The following FSTL5 variants were observed in gnomAD, a reference collection of about 807,000 sequenced individuals.
FSTL5 encodes the protein follistatin-related protein 5.
A neutral mutation model predicts 89.1 loss-of-function variants in FSTL5; 62 were observed. That is an observed-to-expected ratio of 0.70 (90% CI 0.57 to 0.86). The LOEUF (loss-of-function observed/expected upper bound fraction) is 0.86. Among genes scored for constraint, FSTL5 ranks in the 40% least tolerant of loss-of-function variants. The pLI is 0.00. For missense variants in FSTL5, 1,057 were observed against 1,001.6 expected (o/e 1.06, Z -0.75); for synonymous variants, 383 against 346.2 (o/e 1.11, Z -1.18).
chr4:161,828,071 C>T (rs528232932), intron 4 of FSTL5, among the ~76,000 whole-genome samples: 75 of 152,274 alleles, frequency 4.9e-4, no homozygotes, highest in African/African-American at 1.8e-3. Context: ...TCCCCAAGGA[C>T]CTCTGTGAGA....
chr4:161,910,959 T>C (rs1341582668), intron 4 of FSTL5, among the ~76,000 whole-genome samples: 4 of 152,292 alleles, frequency 2.6e-5, no homozygotes. Flanking sequence ...TGTCACCTGA[T>C]AGCAACTAAG....
At chr4:161,762,211 A>C (rs1740833281) in intron 5 of FSTL5, among the ~76,000 whole-genome samples, 2 of 152,188 alleles carry the variant, frequency 1.3e-5, no homozygotes, top group South Asian at 4.1e-4. Flanking sequence ...TCTGTCGCCC[A>C]GGCTAGAGTG....
chr4:161,884,867 A>G (rs1280885870), intron 4 of FSTL5, among the ~76,000 whole-genome samples: 2 of 152,192 alleles, frequency 1.3e-5, no homozygotes, highest in Non-Finnish European at 2.9e-5. Flanking sequence ...ACCAAATTCA[A>G]TTTCTGCAAT....
intron 15 of FSTL5, among the ~76,000 whole-genome samples, chr4:161,428,868 G>A (rs1196972659): frequency 6.6e-6 from 1 of 152,040 alleles, no homozygotes; most frequent in Non-Finnish European, 1.5e-5. Flanking sequence ...AGGGGACTTA[G>A]TTTTGCTGCT....
intron 6 of FSTL5, among the ~76,000 whole-genome samples, chr4:161,739,587 T>A (rs759601039): frequency 1.3e-5 from 2 of 152,160 alleles, no homozygotes; most frequent in Non-Finnish European, 2.9e-5. Flanking sequence ...AAAGCTGTCT[T>A]ATATGGGGAT....
At chr4:162,089,003 G>A (rs1392957422) in intron 2 of FSTL5, among the ~76,000 whole-genome samples, 2 of 152,098 alleles carry the variant, frequency 1.3e-5, no homozygotes, top group African/African-American at 2.4e-5. Context: ...TAGGCTGTAA[G>A]AGCTCTGCCC....
chr4:161,626,586 G>GGGA (rs776993537), intron 7 of FSTL5, among the ~76,000 whole-genome samples: 231 of 152,248 alleles, frequency 1.5e-3, no homozygotes, highest in Admixed American at 2.8e-3. Context: ...TTGCTTTTAT[G>GGGA]ATTGCAATCA....
At chr4:161,752,222 T>C (rs201093843) in intron 6 of FSTL5, among the ~76,000 whole-genome samples, 5,875 of 140,742 alleles carry the variant, frequency 0.042, 132 homozygotes, top group South Asian at 0.078. Flanking sequence ...AGATGATAGA[T>C]GGACAGATAG....
chr4:161,527,674 G>C (rs1205533488), intron 10 of FSTL5, among the ~76,000 whole-genome samples: 1 of 151,706 alleles, frequency 6.6e-6, no homozygotes, highest in African/African-American at 2.4e-5. Context: ...TGGAGAAATA[G>C]GAACACTTTT....
At chr4:161,709,789 T>C (rs905629114) in intron 6 of FSTL5, among the ~76,000 whole-genome samples, 16 of 152,056 alleles carry the variant, frequency 1.1e-4, no homozygotes, top group African/African-American at 3.9e-4. Flanking sequence ...CAAGACCCTG[T>C]TTAAAAAAAT....
chr4:161,782,337 C>G (rs373697612), intron 4 of FSTL5, among the ~76,000 whole-genome samples: 3 of 152,066 alleles, frequency 2.0e-5, no homozygotes, highest in Admixed American at 6.6e-5. Flanking sequence ...CCAAAGTGGC[C>G]GTACCATTTT....
intron 3 of FSTL5, among the ~76,000 whole-genome samples, chr4:162,001,999 T>A (rs1275634272): frequency 1.3e-4 from 20 of 152,184 alleles, no homozygotes; most frequent in Non-Finnish European, 1.5e-5. Flanking sequence ...TTTTATTTTT[T>A]TTAAGTATCA....
intron 4 of FSTL5, among the ~76,000 whole-genome samples, chr4:161,871,995 A>T (rs556764092): frequency 3.1e-4 from 15 of 48,906 alleles, no homozygotes; most frequent in African/African-American, 5.4e-4. Flanking sequence ...TAATTTTTTT[A>T]ATTTTTTTTT....
intron 6 of FSTL5, among the ~76,000 whole-genome samples, chr4:161,686,305 CAT>C (rs60120837): frequency 2.9e-3 from 75 of 25,974 alleles, no homozygotes; most frequent in East Asian, 6.8e-3. Context: ...TCTCCTTTGC[CAT>C]ATATATATAT....
At chr4:161,953,420 G>A (rs1734949521) in intron 3 of FSTL5, among the ~76,000 whole-genome samples, 1 of 151,286 alleles carries the variant, frequency 6.6e-6, no homozygotes, top group African/African-American at 2.4e-5. Flanking sequence ...TAAATAACCT[G>A]GAAAAAAATA....
At chr4:161,700,450 T>G (rs1220762287) in intron 6 of FSTL5, among the ~76,000 whole-genome samples, 1 of 152,138 alleles carries the variant, frequency 6.6e-6, no homozygotes, top group Non-Finnish European at 1.5e-5. Flanking sequence ...AGGGGGAGAA[T>G]GAGAGTATAT....
chr4:161,662,617 C>T (rs1008743347), intron 6 of FSTL5, among the ~76,000 whole-genome samples: 7 of 151,982 alleles, frequency 4.6e-5, no homozygotes, highest in Admixed American at 1.3e-4. Flanking sequence ...AAACCAGATA[C>T]GGTTAATGAA....
At chr4:161,578,275 A>G (rs569347747) in intron 8 of FSTL5, among the ~76,000 whole-genome samples, 2 of 152,262 alleles carry the variant, frequency 1.3e-5, no homozygotes, top group Non-Finnish European at 2.9e-5. Flanking sequence ...TTTTTTAAAT[A>G]GAATTTATGT....
intron 1 of FSTL5, among the ~76,000 whole-genome samples, chr4:162,139,273 T>A (rs1017396381): frequency 2.6e-5 from 4 of 152,126 alleles, no homozygotes; most frequent in African/African-American, 9.7e-5. Context: ...CAGTATCTAT[T>A]ATCTCTATCT....
Sources: gnomAD v4.1 joint callset for allele counts (sites outside exome capture counted in the v4.1 genomes callset) on GRCh38, gnomAD v4.1.1 for gene constraint, MANE v1.5 for transcripts, NCBI Gene and HGNC (gene_info 2026-07-23, HGNC 2026-07-21) for gene names.